The following MACROD2 variants were observed in gnomAD, a reference collection of about 807,000 sequenced individuals.
MACROD2 encodes mono-ADP ribosylhydrolase 2.
MACROD2 carries 36 observed loss-of-function variants against 70.4 expected under a neutral mutation model. That is an observed-to-expected ratio of 0.51 (90% CI 0.39 to 0.68). The LOEUF (loss-of-function observed/expected upper bound fraction) is 0.68. Among genes scored for constraint, MACROD2 ranks in the 30% least tolerant of loss-of-function variants. The probability of loss-of-function intolerance (pLI) is 0.00; values close to 1 mark genes in which losing one functional copy is unlikely to be tolerated. For synonymous variants in MACROD2, 172 were observed against 178.8 expected (o/e 0.96, Z 0.30); for missense variants, 496 against 538.4 (o/e 0.92, Z 0.78).
chr20:14,168,658 C>T (rs143984989), intron 3 of MACROD2, among the ~76,000 whole-genome samples: 6 of 152,228 alleles, frequency 3.9e-5, no homozygotes, highest in African/African-American at 4.8e-5. Flanking sequence ...TGTTATGTAT[C>T]CACTACAGTA....
chr20:15,070,911 G>GAAA (rs34723701), intron 5 of MACROD2, among the ~76,000 whole-genome samples: 1 of 127,838 alleles, frequency 7.8e-6, no homozygotes, highest in Non-Finnish European at 1.7e-5. Flanking sequence ...TTTGTTTTTG[G>GAAA]AAAAAAAAAA....
At chr20:15,754,991 T>G (rs570274581) in intron 8 of MACROD2, among the ~76,000 whole-genome samples, 2 of 152,162 alleles carry the variant, frequency 1.3e-5, no homozygotes, top group South Asian at 4.2e-4. Flanking sequence ...CCTGGGTAGT[T>G]GGGATTACAG....
At position 14,983,760 on chromosome 20, in the gene MACROD2, A is replaced by T. The variant is rs897537089; in HGVS notation, c.419-246180A>T. ...AAGTGTTAAAGTGGACTAATACAGCATGCTAATATGTGTGTGTGTGCATGC... is the reference window on the plus strand; with the variant it reads ...AAGTGTTAAAGTGGACTAATACAGCTTGCTAATATGTGTGTGTGTGCATGC... On this transcript the variant is annotated intron_variant, in intron 5 of 17. Coordinates refer to ENST00000684519, the MANE Select transcript of MACROD2 (RefSeq NM_001351661.2). Among the ~76,000 whole-genome samples, 44 of 152,132 alleles carry T rather than the reference A, an allele frequency of 2.9e-4. 1 individual carries two copies. The highest frequency in any genetic ancestry group is 2.3e-3 in the Admixed American group (35 of 15,270).
At chr20:14,674,928 CA>C (rs539512254) in intron 4 of MACROD2, among the ~76,000 whole-genome samples, 2 of 151,894 alleles carry the variant, frequency 1.3e-5, no homozygotes, top group Non-Finnish European at 2.9e-5. Context: ...CTTTTATTTA[CA>C]AAAAAAGATT....
intron 3 of MACROD2, among the ~76,000 whole-genome samples, chr20:14,255,283 C>T (rs1172430164): frequency 2.0e-5 from 3 of 152,032 alleles, no homozygotes. Flanking sequence ...TGGAACCAAG[C>T]CAAATGTCCA....
At chr20:15,906,035 T>C (rs1023117503) in intron 10 of MACROD2, among the ~76,000 whole-genome samples, 1 of 152,230 alleles carries the variant, frequency 6.6e-6, no homozygotes, top group Non-Finnish European at 1.5e-5. Flanking sequence ...AATTCCCCAC[T>C]GGCTTCTAAC....
intron 3 of MACROD2, among the ~76,000 whole-genome samples, chr20:14,112,671 C>T (rs142953378): frequency 3.6e-4 from 54 of 151,870 alleles, no homozygotes; most frequent in African/African-American, 1.3e-3. Flanking sequence ...TTTGTAGATT[C>T]TAAAAAATCT....
At chr20:14,840,329 C>T (rs1477341335) in intron 5 of MACROD2, among the ~76,000 whole-genome samples, 5 of 152,084 alleles carry the variant, frequency 3.3e-5, no homozygotes, top group African/African-American at 7.2e-5. Flanking sequence ...TGAGCCATCA[C>T]GCCTGGCCAG....
rs8117514 is a variant in MACROD2 at position 16,005,696 on chromosome 20, G to A, written c.1153+18538G>A. Among the ~76,000 whole-genome samples, 1,363 of 152,238 alleles carry A rather than the reference G, an allele frequency of 9.0e-3. 18 individuals carry two copies. Among genetic ancestry groups the A allele is most frequent in the African/African-American group, 0.03 (1,261 of 41,544 alleles). On this transcript the variant is annotated intron_variant, in intron 15 of 17. Coordinates refer to ENST00000684519, the MANE Select transcript of MACROD2 (RefSeq NM_001351661.2). ...TAATTCTCCTTTTCTCCCTCACAGCGTGTCTTTTTGTTGTTGTCGATCTTT... is the reference window on the plus strand; with the variant it reads ...TAATTCTCCTTTTCTCCCTCACAGCATGTCTTTTTGTTGTTGTCGATCTTT...
At chr20:15,696,262 G>T (rs2050369430) in intron 8 of MACROD2, among the ~76,000 whole-genome samples, 1 of 152,150 alleles carries the variant, frequency 6.6e-6, no homozygotes, top group South Asian at 2.1e-4. Flanking sequence ...AGAGATGCTG[G>T]ATTTTGTGGA....
chr20:15,672,367 A>ACACACACG lies in MACROD2; in HGVS notation c.645+172527_645+172528insGCACACAC, dbSNP rs777000295. On this transcript the variant is annotated intron_variant, in intron 8 of 17. Transcript: ENST00000684519. ...CTATTTTACACACACACACACACAC[A>ACACACACG]CACACACACACACACACACGTAGAG... is the stretch of plus-strand genomic sequence containing the variant. Among the ~76,000 whole-genome samples the ACACACACG allele has an allele frequency of 8.2e-3, 1,237 of 151,744 alleles. 13 individuals are homozygous for ACACACACG. The highest frequency in any genetic ancestry group is 0.024 in the East Asian group (121 of 5,144).
chr20:15,221,680 C>T (rs142210140), intron 5 of MACROD2, among the ~76,000 whole-genome samples: 17 of 152,230 alleles, frequency 1.1e-4, no homozygotes, highest in African/African-American at 4.1e-4. Context: ...ATGAGCTTTG[C>T]CTCTTTCTTT....
chr20:14,401,994 C>T (rs1457776030), intron 3 of MACROD2, among the ~76,000 whole-genome samples: 1 of 152,116 alleles, frequency 6.6e-6, no homozygotes, highest in Admixed American at 6.5e-5. Context: ...TTCTGATATA[C>T]TGCAGGCTTT....
chr20:15,062,709 A>G (rs1432966815), intron 5 of MACROD2, among the ~76,000 whole-genome samples: 2 of 152,240 alleles, frequency 1.3e-5, no homozygotes, highest in Non-Finnish European at 1.5e-5. Flanking sequence ...TCCAAGCACT[A>G]GGCACACAAC....
intron 8 of MACROD2, among the ~76,000 whole-genome samples, chr20:15,810,923 T>C (rs147483228): frequency 0.22 from 31,294 of 144,980 alleles, 3,110 homozygotes; most frequent in African/African-American, 0.23. Context: ...TTACACCTTA[T>C]ACAAAAATCA....
intron 8 of MACROD2, among the ~76,000 whole-genome samples, chr20:15,663,777 C>A (rs548783588): frequency 6.6e-6 from 1 of 152,076 alleles, no homozygotes; most frequent in East Asian, 1.9e-4. Flanking sequence ...CAGAACAGAA[C>A]GAGTAGCATT....
chr20:15,832,715 C>T (rs1489442008), intron 8 of MACROD2, among the ~76,000 whole-genome samples: 1 of 152,142 alleles, frequency 6.6e-6, no homozygotes, highest in Non-Finnish European at 1.5e-5. Flanking sequence ...GGCATGGAGC[C>T]GAGGGTGAAG....
intron 8 of MACROD2, among the ~76,000 whole-genome samples, chr20:15,842,603 A>T (rs1004905282): frequency 6.6e-6 from 1 of 150,810 alleles, no homozygotes; most frequent in African/African-American, 2.4e-5. Context: ...TTGCATTGCT[A>T]TTTGAACATC....
At chr20:14,417,654 T>A (rs528507434) in intron 3 of MACROD2, among the ~76,000 whole-genome samples, 1 of 152,310 alleles carries the variant, frequency 6.6e-6, no homozygotes, top group South Asian at 2.1e-4. Context: ...GACAAAATAT[T>A]TTTATGAAAG....
Sources: allele counts gnomAD v4.1 joint callset (sites outside exome capture counted in the v4.1 genomes callset), GRCh38; gene constraint gnomAD v4.1.1; transcripts MANE v1.5; gene names NCBI Gene and HGNC (gene_info 2026-07-23, HGNC 2026-07-21).